The following ARHGAP39 variants were observed in gnomAD, a reference collection of about 807,000 sequenced individuals.
ARHGAP39 encodes rho GTPase-activating protein 39.
Under a neutral mutation model 106.9 loss-of-function variants are expected in ARHGAP39, and 44 were observed. That is an observed-to-expected ratio of 0.41 (90% CI 0.32 to 0.53). The LOEUF (loss-of-function observed/expected upper bound fraction) is 0.53. ARHGAP39 is among the 20% of genes least tolerant of loss of function. The probability of loss-of-function intolerance (pLI) is 0.21; values close to 1 mark genes in which losing one functional copy is unlikely to be tolerated. For missense variants in ARHGAP39, 1,496 were observed against 1,577.3 expected, an observed-to-expected ratio of 0.95 and a Z score of 0.87; for synonymous variants, 768 against 693.2, an observed-to-expected ratio of 1.11 and a Z score of -1.69.
At chr8:144,651,885 G>A (rs187531492) in intron 1 of ARHGAP39, among the ~76,000 whole-genome samples, 81 of 151,978 alleles carry the variant, frequency 5.3e-4, no homozygotes, top group Middle Eastern at 6.8e-3. Context: ...CCAACGGAAC[G>A]AATGGCAAAC....
At chr8:144,576,192 G>T (rs1023366561) in intron 3 of ARHGAP39, among the ~76,000 whole-genome samples, 1 of 151,948 alleles carries the variant, frequency 6.6e-6, no homozygotes, top group Non-Finnish European at 1.5e-5. Context: ...AATTAGCCAG[G>T]TGTGGTGGTG....
chr8:144,649,643 G>A (rs1248503301), intron 1 of ARHGAP39, among the ~76,000 whole-genome samples: 2 of 151,870 alleles, frequency 1.3e-5, no homozygotes, highest in African/African-American at 4.8e-5. Flanking sequence ...GGTGGCACAC[G>A]CCTGTAATTC....
At chr8:144,688,064 T>G (rs1001435681), upstream of ARHGAP39, among the ~76,000 whole-genome samples, 4 of 151,994 alleles carry the variant, frequency 2.6e-5, no homozygotes, top group African/African-American at 9.7e-5. Context: ...CACACTTAAC[T>G]AATTAAAAAT....
chr8:144,610,620 G>C (rs1220387101), intron 1 of ARHGAP39, among the ~76,000 whole-genome samples: 1 of 152,040 alleles, frequency 6.6e-6, no homozygotes, highest in Admixed American at 6.6e-5. Flanking sequence ...GCTGAGGCAG[G>C]GGAATGGCGT....
chr8:144,588,783 G>A (rs1819277832), intron 2 of ARHGAP39, among the ~76,000 whole-genome samples: 1 of 152,272 alleles, frequency 6.6e-6, no homozygotes, highest in Non-Finnish European at 1.5e-5. Flanking sequence ...GCCAACGTGG[G>A]CAGGACTCTT....
chr8:144,551,244 G>A (rs572118938), intron 4 of ARHGAP39, among the ~76,000 whole-genome samples: 10 of 152,084 alleles, frequency 6.6e-5, no homozygotes, highest in South Asian at 2.1e-4. Context: ...GGGAGGGTGG[G>A]GTGAGTATGA....
At chr8:144,637,878 T>A (rs74428011) in intron 1 of ARHGAP39, among the ~76,000 whole-genome samples, 2 of 151,398 alleles carry the variant, frequency 1.3e-5, no homozygotes, top group African/African-American at 4.9e-5. Flanking sequence ...TTTTTTTTTT[T>A]AGAGAGGGGT....
chr8:144,539,347 G>C (rs1312294949), intron 6 of ARHGAP39, among the ~76,000 whole-genome samples: 4 of 152,158 alleles, frequency 2.6e-5, no homozygotes, highest in Non-Finnish European at 5.9e-5. Context: ...CTCCCTTTGC[G>C]TGTCTGTGAC....
At chr8:144,657,872 T>C (rs985019266) in intron 1 of ARHGAP39, among the ~76,000 whole-genome samples, 1 of 152,122 alleles carries the variant, frequency 6.6e-6, no homozygotes, top group Non-Finnish European at 1.5e-5. Context: ...CTAAAACCTA[T>C]AGCTACAGTC....
intron 2 of ARHGAP39, among the ~76,000 whole-genome samples, chr8:144,589,727 T>C (rs1205610722): frequency 2.6e-5 from 4 of 152,182 alleles, no homozygotes; most frequent in Non-Finnish European, 5.9e-5. Context: ...CTGCAGCCTG[T>C]GGCAGAGACA....
chr8:144,680,886 C>G (rs1822397356), intron 1 of ARHGAP39, among the ~76,000 whole-genome samples: 1 of 152,102 alleles, frequency 6.6e-6, no homozygotes, highest in South Asian at 2.1e-4. Flanking sequence ...TTCATGTTAA[C>G]AAAACTCAGA....
chr8:144,590,106 T>C (rs1323280470), intron 2 of ARHGAP39, among the ~76,000 whole-genome samples: 1 of 152,174 alleles, frequency 6.6e-6, no homozygotes, highest in Admixed American at 6.5e-5. Context: ...GGACACCACA[T>C]GGCACGTGGG....
chr8:144,633,148 TTTG>T (rs1821104549), intron 1 of ARHGAP39, among the ~76,000 whole-genome samples: 7 of 143,364 alleles, frequency 4.9e-5, no homozygotes, highest in African/African-American at 1.9e-4. Flanking sequence ...TTTTTTTTTG[TTTG>T]TTTGTTTGTT....
At chr8:144,614,929 T>G (rs115632515) in intron 1 of ARHGAP39, among the ~76,000 whole-genome samples, 5,756 of 152,278 alleles carry the variant, frequency 0.038, 160 homozygotes, top group Admixed American at 0.069. Flanking sequence ...ATCCTTCCTG[T>G]TCTCTGGTAG....
chr8:144,534,602 G>A (rs1816879615), intron 7 of ARHGAP39, among the ~76,000 whole-genome samples: 1 of 152,330 alleles, frequency 6.6e-6, no homozygotes, highest in East Asian at 1.9e-4. Context: ...TAGGCTGTGG[G>A]CAGGAGCCCC....
intron 3 of ARHGAP39, among the ~76,000 whole-genome samples, chr8:144,560,421 C>T (rs968322098): frequency 2.0e-5 from 3 of 152,086 alleles, no homozygotes; most frequent in African/African-American, 4.8e-5. Context: ...GGCAACAAAA[C>T]GAGACTCCGT....
intron 6 of ARHGAP39, among the ~76,000 whole-genome samples, chr8:144,538,719 C>A (rs1382162974): frequency 6.6e-6 from 1 of 152,104 alleles, no homozygotes; most frequent in Non-Finnish European, 1.5e-5. Context: ...TACAGGCATG[C>A]ACCACCACAT....
At chr8:144,691,467 G>A in the ARHGAP39 span, among the ~76,000 whole-genome samples, 6 of 152,194 alleles carry the variant, frequency 3.9e-5, no homozygotes, top group Non-Finnish European at 5.9e-5. Context: ...AACAGCGAAA[G>A]TGAGACTTTT....
chr8:144,639,451 C>G (rs1446007884), intron 1 of ARHGAP39, among the ~76,000 whole-genome samples: 1 of 152,090 alleles, frequency 6.6e-6, no homozygotes, highest in Non-Finnish European at 1.5e-5. Flanking sequence ...AAATCATCAT[C>G]TGTTAACATT....
Sources: gnomAD v4.1 joint callset for allele counts (sites outside exome capture counted in the v4.1 genomes callset) on GRCh38, gnomAD v4.1.1 for gene constraint, MANE v1.5 for transcripts, NCBI Gene and HGNC (gene_info 2026-07-23, HGNC 2026-07-21) for gene names.